The following STAG1 variants were observed in gnomAD, a reference collection of about 807,000 sequenced individuals.
STAG1 encodes STAG1 cohesin complex component.
STAG1 carries 26 observed loss-of-function variants against 170.9 expected under a neutral mutation model. The ratio of observed to expected loss-of-function variants is 0.15; its 90% confidence interval spans 0.11 to 0.21. STAG1 has a LOEUF of 0.21. Among genes scored for constraint, STAG1 ranks in the 10% least tolerant of loss-of-function variants. The pLI is 1.00. For missense variants in STAG1, 964 were observed against 1,509.5 expected (o/e 0.64, Z 5.99); for synonymous variants, 514 against 497.7 (o/e 1.03, Z -0.44).
chr3:136,457,837 T>C (rs895583474), intron 13 of STAG1, among the ~76,000 whole-genome samples: 1 of 152,154 alleles, frequency 6.6e-6, no homozygotes, highest in African/African-American at 2.4e-5. Context: ...GATTCATGCC[T>C]GTAATCTCCA....
At chr3:136,617,786 A>G (rs7630773) in intron 3 of STAG1, among the ~76,000 whole-genome samples, 152,206 of 152,258 alleles carry the variant, frequency 1, 76,077 homozygotes, top group Non-Finnish European at 1. Context: ...GATTGATTTG[A>G]TTTATAATGC....
At chr3:136,600,977 G>A (rs572512429) in intron 4 of STAG1, among the ~76,000 whole-genome samples, 5 of 152,082 alleles carry the variant, frequency 3.3e-5, no homozygotes, top group Admixed American at 1.3e-4. Flanking sequence ...TGCGACCTCC[G>A]CCTCCTGGGT....
intron 9 of STAG1, among the ~76,000 whole-genome samples, chr3:136,478,458 T>A (rs944584626): frequency 3.3e-5 from 5 of 152,316 alleles, no homozygotes; most frequent in Admixed American, 2.6e-4. Flanking sequence ...AAGAAAAAAA[T>A]ATTAACTATA....
chr3:136,630,746 G>T, intron 2 of STAG1, 124 bp downstream of exon 2: 1 of 747,454 alleles, frequency 1.3e-6, no homozygotes, highest in Non-Finnish European at 2.3e-6. Flanking sequence ...ACACTGCAAA[G>T]ATATTGTCCC....
chr3:136,715,490 C>T (rs764383659), intron 1 of STAG1, among the ~76,000 whole-genome samples: 24 of 151,866 alleles, frequency 1.6e-4, no homozygotes, highest in Non-Finnish European at 3.4e-4. Context: ...CATGGTGGTA[C>T]ACACCTGTAG....
At chr3:136,427,749 C>A (rs761512511) in intron 16 of STAG1, among the ~76,000 whole-genome samples, 3 of 151,146 alleles carry the variant, frequency 2.0e-5, no homozygotes, top group Admixed American at 6.6e-5. Context: ...CTTTTTATTT[C>A]ACATTAGAAG....
At chr3:136,750,448 A>G (rs1935172000) in intron 1 of STAG1, among the ~76,000 whole-genome samples, 1 of 152,244 alleles carries the variant, frequency 6.6e-6, no homozygotes, top group South Asian at 2.1e-4. Flanking sequence ...TAAGGCTTTA[A>G]AAGAGCCAAT....
At position 136,341,423 on chromosome 3, in the gene STAG1, A is replaced by G; in HGVS notation, c.3557+18T>C. 1.3e-6 allele frequency: 2 copies of G among 1,482,976 alleles called. No homozygotes were observed. The highest frequency in any genetic ancestry group is 1.2e-5 in the South Asian group (1 of 86,730). The allele number at this position is 1,482,976 out of a possible 1,614,324, so 91.9% of individuals were successfully genotyped here. A position where few individuals can be genotyped will look rare whatever the true frequency, so the allele number is the denominator to read the frequency against. On this transcript the variant is annotated intron_variant, in intron 31 of 33. Coordinates refer to ENST00000383202, the MANE Select transcript of STAG1 (RefSeq NM_005862.3). ...CACATAGTTGTTATGTTCTTGTGAT[A>G]CTCCATGTAACACTTACACAGCATG...
chr3:136,703,454 G>A (rs1015282233), intron 1 of STAG1, among the ~76,000 whole-genome samples: 1 of 152,106 alleles, frequency 6.6e-6, no homozygotes, highest in African/African-American at 2.4e-5. Flanking sequence ...GATCACTAAG[G>A]GACCTGCATG....
At chr3:136,734,199 G>A (rs576454605) in intron 1 of STAG1, among the ~76,000 whole-genome samples, 4 of 151,730 alleles carry the variant, frequency 2.6e-5, no homozygotes, top group African/African-American at 4.8e-5. Flanking sequence ...TAAAGAATAG[G>A]GGCTGACTAC....
chr3:136,599,855 C>T (rs1227017669), intron 4 of STAG1, among the ~76,000 whole-genome samples: 1 of 152,130 alleles, frequency 6.6e-6, no homozygotes, highest in African/African-American at 2.4e-5. Context: ...GACAGAATTT[C>T]TTCTTTCATC....
At chr3:136,465,863 T>G (rs1336955794) in intron 12 of STAG1, among the ~76,000 whole-genome samples, 1 of 152,068 alleles carries the variant, frequency 6.6e-6, no homozygotes, top group Non-Finnish European at 1.5e-5. Flanking sequence ...AATTAAACCC[T>G]ATAAGACCTA....
chr3:136,361,224 A>G (rs1157442145), intron 26 of STAG1, among the ~76,000 whole-genome samples: 2 of 152,216 alleles, frequency 1.3e-5, no homozygotes, highest in Non-Finnish European at 2.9e-5. Flanking sequence ...CATAAATGGT[A>G]GCATACTGCA....
Position 136,337,277 on chromosome 3 carries a change from A to AATG in STAG1, c.*974_*976dup, listed in dbSNP as rs1366911581. 6.5e-6 allele frequency: 1 copy of AATG among 152,748 alleles called. No individual in the cohort carries two copies. The highest frequency in any genetic ancestry group is 2.4e-5 in the African/African-American group (1 of 41,580). 9.5% of individuals were successfully genotyped at this position (152,748 alleles called of 1,614,324 possible). ...TATGTTACACTTAAAATTACTTTTG[A>AATG]ATGATTGATAAAGGATTTCTTCATG... On this transcript the variant is annotated 3_prime_UTR_variant, in exon 34 of 34. Transcript: ENST00000383202.
chr3:136,723,623 T>C (rs1378400468), intron 1 of STAG1, among the ~76,000 whole-genome samples: 127 of 100,682 alleles, frequency 1.3e-3, no homozygotes, highest in Middle Eastern at 7.6e-3. Flanking sequence ...ATCAGCCCCC[T>C]GCCCGGCCAG....
intron 1 of STAG1, among the ~76,000 whole-genome samples, chr3:136,697,050 C>T (rs549210263): frequency 1.3e-5 from 2 of 152,184 alleles, no homozygotes; most frequent in Non-Finnish European, 2.9e-5. Context: ...TTGTCTTTAA[C>T]ATCTGTGGCG....
chr3:136,743,283 A>G (rs112796754), intron 1 of STAG1, among the ~76,000 whole-genome samples: 176 of 152,016 alleles, frequency 1.2e-3, no homozygotes, highest in African/African-American at 2.4e-3. Flanking sequence ...CAGGAGAATC[A>G]GTTGAACCCA....
chr3:136,682,792 A>G (rs1014570329), intron 1 of STAG1, among the ~76,000 whole-genome samples: 2 of 152,178 alleles, frequency 1.3e-5, no homozygotes, highest in Non-Finnish European at 2.9e-5. Context: ...GATTTAAAAG[A>G]AGGCTCTCCA....
intron 5 of STAG1, among the ~76,000 whole-genome samples, chr3:136,545,198 G>A (rs1213633291): frequency 1.3e-5 from 2 of 151,924 alleles, no homozygotes; most frequent in East Asian, 1.9e-4. Flanking sequence ...ACAGGCACAC[G>A]TCACCACGTG....
Sources: gnomAD v4.1 joint callset for allele counts (sites outside exome capture counted in the v4.1 genomes callset) on GRCh38, gnomAD v4.1.1 for gene constraint, MANE v1.5 for transcripts, NCBI Gene and HGNC (gene_info 2026-07-23, HGNC 2026-07-21) for gene names.